TIAM1: variants seen among roughly 807,000 people sequenced by gnomAD.
TIAM1 encodes the protein rho guanine nucleotide exchange factor TIAM1.
A neutral mutation model predicts 163.5 loss-of-function variants in TIAM1; 65 were observed. That is an observed-to-expected ratio of 0.40 (90% CI 0.33 to 0.49). The LOEUF is 0.49. Ranked by LOEUF, TIAM1 falls within the 20% of genes least tolerant of loss-of-function variation. The pLI is 0.77. For missense variants in TIAM1, 1,789 were observed against 2,044.7 expected, an observed-to-expected ratio of 0.87 and a Z score of 2.41; for synonymous variants, 833 against 810.1, an observed-to-expected ratio of 1.03 and a Z score of -0.48.
chr21:31,362,492 G>A (rs1365436676), intron 2 of TIAM1, among the ~76,000 whole-genome samples: 1 of 140,322 alleles, frequency 7.1e-6, no homozygotes, highest in African/African-American at 2.6e-5. Flanking sequence ...TTTGAGAAAA[G>A]GTCTCGCTTT....
chr21:31,404,771 G>T (rs548422686), intron 2 of TIAM1, among the ~76,000 whole-genome samples: 1 of 152,208 alleles, frequency 6.6e-6, no homozygotes, highest in African/African-American at 2.4e-5. Flanking sequence ...GGAAAGCTGG[G>T]TGGTGGGTAC....
chr21:31,343,789 C>T (rs767773808), intron 1 of TIAM1, among the ~76,000 whole-genome samples: 2 of 152,182 alleles, frequency 1.3e-5, no homozygotes, highest in African/African-American at 2.4e-5. Context: ...ATCCCGCAGT[C>T]TCCTCCCCGA....
At chr21:31,538,014 C>T (rs963361611) in intron 1 of TIAM1, among the ~76,000 whole-genome samples, 10 of 152,106 alleles carry the variant, frequency 6.6e-5, no homozygotes, top group Admixed American at 1.3e-4. Flanking sequence ...ACATCCTGTG[C>T]GATTCCTTAC....
At chr21:31,193,798 T>C (rs2085688840) in intron 13 of TIAM1, among the ~76,000 whole-genome samples, 1 of 152,052 alleles carries the variant, frequency 6.6e-6, no homozygotes, top group Non-Finnish European at 1.5e-5. Flanking sequence ...GTGCCGGCAG[T>C]GTGAATCGGG....
chr21:31,218,752 T>C (rs8134753), intron 8 of TIAM1, among the ~76,000 whole-genome samples: 18,757 of 152,082 alleles, frequency 0.12, 3,721 homozygotes, highest in African/African-American at 0.42. Flanking sequence ...TTTCTGTTAT[T>C]CTTTCCGCTA....
At chr21:31,210,024 C>A in intron 11 of TIAM1, 21 bp downstream of exon 11, 1 of 1,601,390 alleles carries the variant, frequency 6.2e-7, no homozygotes, top group Non-Finnish European at 8.5e-7. Flanking sequence ...CTTGGAGAAA[C>A]AACCCAAAGC....
intron 1 of TIAM1, among the ~76,000 whole-genome samples, chr21:31,516,374 T>C (rs2047382640): frequency 6.6e-6 from 1 of 152,106 alleles, no homozygotes. Context: ...ATCTCGCCAC[T>C]GCACTCCAGT....
At position 31,267,001 on chromosome 21, in the gene TIAM1, G is replaced by A. The variant is rs201062614; in HGVS notation, c.-11-18C>T. ...TTTATGGTCTGCAGCAAAGCGGGGG[G>A]AAAGGGGAGAATTGAGTCACTATTA... On this transcript the variant is annotated intron_variant, in intron 3 of 27. Transcript: ENST00000541036. The A allele has an allele frequency of 6.0e-5, 94 of 1,570,726 alleles. No individual in the cohort carries two copies. In the African/African-American group the frequency reaches 1.1e-3, roughly 18 times the overall value.
chr21:31,298,914 A>G (rs866635316), intron 2 of TIAM1, among the ~76,000 whole-genome samples: 2 of 152,152 alleles, frequency 1.3e-5, no homozygotes. Flanking sequence ...CCTGCTACAA[A>G]TGAGTCAGAG....
At chr21:31,128,375 TAG>T (rs1439935185) in intron 25 of TIAM1, among the ~76,000 whole-genome samples, 1 of 152,062 alleles carries the variant, frequency 6.6e-6, no homozygotes, top group East Asian at 1.9e-4. Context: ...GAATGAAAAA[TAG>T]AGAGTGAGAA....
intron 22 of TIAM1, among the ~76,000 whole-genome samples, chr21:31,140,382 C>A (rs1429731095): frequency 6.6e-6 from 1 of 152,130 alleles, no homozygotes; most frequent in Non-Finnish European, 1.5e-5. Context: ...GAGGCATTGA[C>A]GAATGTTACT....
chr21:31,467,963 G>T (rs533849205), intron 1 of TIAM1, among the ~76,000 whole-genome samples: 16 of 151,466 alleles, frequency 1.1e-4, no homozygotes, highest in African/African-American at 3.9e-4. Context: ...GTGGGCACCT[G>T]TAATCCCAGC....
intron 2 of TIAM1, among the ~76,000 whole-genome samples, chr21:31,405,646 CT>C (rs1408735161): frequency 5.3e-5 from 8 of 152,166 alleles, no homozygotes; most frequent in African/African-American, 1.7e-4. Context: ...AAAAAAAGAG[CT>C]TGTGCAGAGA....
chr21:31,367,418 C>T (rs1473213838), intron 2 of TIAM1, among the ~76,000 whole-genome samples: 1 of 152,154 alleles, frequency 6.6e-6, no homozygotes, highest in African/African-American at 2.4e-5. Context: ...CCGAAATAAC[C>T]TCATTCTGTA....
chr21:31,342,322 C>G (rs2076044152), intron 1 of TIAM1, among the ~76,000 whole-genome samples: 1 of 151,790 alleles, frequency 6.6e-6, no homozygotes, highest in African/African-American at 2.4e-5. Context: ...ATATAACCAA[C>G]CAGAGACAAA....
At chr21:31,479,165 C>G (rs2046028045) in intron 1 of TIAM1, among the ~76,000 whole-genome samples, 1 of 152,184 alleles carries the variant, frequency 6.6e-6, no homozygotes, top group Non-Finnish European at 1.5e-5. Flanking sequence ...TCAAGAATTG[C>G]TAAACCATAT....
rs549110095 is a variant in TIAM1 at position 31,182,515 on chromosome 21, C to T, written c.2793G>A (p.Glu931=). Residue 931 remains glutamate, a synonymous_variant, in exon 15 of 28, where the codon GAG becomes GAA. Transcript: ENST00000541036. ...GLLVRTYPEL[E]EGVELLESPP... is the part of the protein sequence containing the mutation. ...GGCTTTCCAGCAGCTCCACTCCTTC[C>T]TCCAGCTCGGGGTAGGTCCTCACCA... 3.1e-6 allele frequency: 5 copies of T among 1,613,768 alleles called. No individual in the cohort carries two copies. The African/African-American group carries it at 4.0e-5, about 13-fold the overall frequency.
rs1569032749 is a variant in TIAM1, at chr21:31,210,661, GAA to G, written c.2218-448_2218-447del. ...AGAAAGAAAGAAAGAAAGAAAGAAA[GAA>G]AGAAAAAGAAAGAAAGAAAGAAAAA... On this transcript the variant is annotated intron_variant, in intron 10 of 27. Transcript: ENST00000541036. Among the ~76,000 whole-genome samples, 30 of 20,338 alleles carry G rather than the reference GAA, an allele frequency of 1.5e-3. 2 individuals carry two copies. Among genetic ancestry groups the G allele is most frequent in the African/African-American group, 7.3e-3 (29 of 3,946 alleles). The allele number at this position is 20,338 out of a possible 152,430, so 13.3% of individuals were successfully genotyped here. A position where few individuals can be genotyped will look rare whatever the true frequency, so the allele number is the denominator to read the frequency against.
In TIAM1 at chr21:31,153,986, C is replaced by T. The variant is rs145000231; in HGVS notation, c.3171+261G>A. 2.0e-4 allele frequency among the ~76,000 whole-genome samples: 31 copies of T among 152,106 alleles called. No individual in the cohort carries two copies. In the East Asian group the frequency reaches 6.0e-3, roughly 29 times the overall value. ...GGCTGAGGAGGGAGGATTACTTGAG[C>T]GCAGGAAGTAAAGGCTGCAGTGAGC... is the stretch of plus-strand genomic sequence containing the variant. On this transcript the variant is annotated intron_variant, in intron 17 of 27. Transcript: ENST00000541036.
Sources: allele counts gnomAD v4.1 joint callset (sites outside exome capture counted in the v4.1 genomes callset), GRCh38; gene constraint gnomAD v4.1.1; transcripts MANE v1.5; gene names NCBI Gene and HGNC (gene_info 2026-07-23, HGNC 2026-07-21).